The following CCDC125 variants were observed in gnomAD, a reference collection of about 807,000 sequenced individuals.
The protein encoded by CCDC125 is coiled-coil domain containing 125.
Under a neutral mutation model 57.4 loss-of-function variants are expected in CCDC125, and 43 were observed. The observed-to-expected ratio is 0.75, with a 90% CI of 0.59 to 0.97. The LOEUF (loss-of-function observed/expected upper bound fraction) is 0.97. CCDC125 is among the 50% of genes least tolerant of loss of function. The pLI is 0.00. For missense variants in CCDC125, 563 were observed against 595.7 expected (o/e 0.95, Z 0.57); for synonymous variants, 187 against 195.2 (o/e 0.96, Z 0.35).
chr5:69,326,408 G>A (rs1195394945), intron 1 of CCDC125, among the ~76,000 whole-genome samples: 3 of 152,016 alleles, frequency 2.0e-5, no homozygotes, highest in Non-Finnish European at 4.4e-5. Context: ...TACCTATTTT[G>A]TCAAGGTAGA....
At chr5:69,322,485 A>G (rs1221293559) in intron 1 of CCDC125, among the ~76,000 whole-genome samples, 2 of 151,196 alleles carry the variant, frequency 1.3e-5, no homozygotes, top group Non-Finnish European at 1.5e-5. Flanking sequence ...AGGCTTTGGG[A>G]GGCTGAGGCT....
At chr5:69,328,296 G>A (rs1760981403) in intron 1 of CCDC125, among the ~76,000 whole-genome samples, 1 of 151,818 alleles carries the variant, frequency 6.6e-6, no homozygotes, top group South Asian at 2.1e-4. Flanking sequence ...TTTCTAATTG[G>A]ACAAAATTAG....
chr5:69,303,757 C>A, intron 7 of CCDC125, 90 bp downstream of exon 7: 1 of 688,546 alleles, frequency 1.5e-6, no homozygotes, highest in South Asian at 1.9e-5. Flanking sequence ...TACATTTCTC[C>A]CCTCTATTAT....
chr5:69,322,724 G>A (rs370195834), intron 1 of CCDC125, among the ~76,000 whole-genome samples: 7 of 151,526 alleles, frequency 4.6e-5, no homozygotes, highest in Non-Finnish European at 8.8e-5. Flanking sequence ...CACCACACCC[G>A]GCTAATTTTT....
chr5:69,324,495 A>G (rs1760477070), intron 1 of CCDC125, among the ~76,000 whole-genome samples: 1 of 152,238 alleles, frequency 6.6e-6, no homozygotes, highest in Admixed American at 6.5e-5. Flanking sequence ...ACAGAACCCC[A>G]TGTCCGTACA....
chr5:69,287,836 TGGGATTACA>T (rs1333528297), intron 10 of CCDC125, among the ~76,000 whole-genome samples: 1 of 152,102 alleles, frequency 6.6e-6, no homozygotes, highest in Non-Finnish European at 1.5e-5. Context: ...CCCAAAGCGC[TGGGATTACA>T]GGCATGAGCC....
rs149401486 is a variant in CCDC125 at position 69,307,343 on chromosome 5, G to A, written c.532-441C>T. On this transcript the variant is annotated intron_variant, in intron 5 of 11. Transcript: ENST00000396496. Reference sequence around the variant, plus strand: ...AGATGAGATGGTCAGAAAGACGTACGTCCTGCCAGGCAACGATAAGGATTT... The same window carrying A: ...AGATGAGATGGTCAGAAAGACGTACATCCTGCCAGGCAACGATAAGGATTT... Among the ~76,000 whole-genome samples, 128 of 151,902 alleles carry A rather than the reference G, an allele frequency of 8.4e-4. 1 individual carries two copies. In the East Asian group the frequency reaches 9.7e-3, roughly 11 times the overall value.
At chr5:69,299,170 C>T (rs541179001) in intron 8 of CCDC125, among the ~76,000 whole-genome samples, 6 of 150,662 alleles carry the variant, frequency 4.0e-5, no homozygotes, top group Non-Finnish European at 7.4e-5. Flanking sequence ...ACTGCAGTGG[C>T]GCGATCTCGG....
rs79615279 is a variant in CCDC125 at position 69,303,815 on chromosome 5, A to G, written c.700+32T>C. The G allele has an allele frequency of 6.0e-4, 717 of 1,203,644 alleles. 2 individuals carry two copies. The African/African-American group carries it at 0.01, about 17-fold the overall frequency. The allele number at this position is 1,203,644 out of a possible 1,614,324, so 74.6% of individuals were successfully genotyped here. ...ATACTAGCATGTTATCTTTATTGAT[A>G]CATGTGCTCTTAATACAAAAATCAT... On this transcript the variant is annotated intron_variant, in intron 7 of 11. Transcript: ENST00000396496.
intron 8 of CCDC125, among the ~76,000 whole-genome samples, chr5:69,297,999 ATAAAAT>A (rs1216419175): frequency 1.3e-5 from 2 of 148,690 alleles, no homozygotes; most frequent in East Asian, 2.1e-4. Flanking sequence ...AAAAAAATAA[ATAAAAT>A]TAAACTAAAA....
chr5:69,315,130 C>A (rs1758801516), intron 2 of CCDC125, among the ~76,000 whole-genome samples: 1 of 151,868 alleles, frequency 6.6e-6, no homozygotes, highest in Non-Finnish European at 1.5e-5. Flanking sequence ...GTGGTGCCTG[C>A]CTGTAGTCTC....
chr5:69,284,930 A>G lies in CCDC125; in HGVS notation c.1230+407T>C, dbSNP rs530957834. Among the ~76,000 whole-genome samples the G allele has an allele frequency of 9.2e-5, 14 of 152,156 alleles. No individual in the cohort carries two copies. The South Asian group carries it at 1.7e-3, about 18-fold the overall frequency. On this transcript the variant is annotated intron_variant, in intron 11 of 11. Coordinates refer to ENST00000396496, the MANE Select transcript of CCDC125 (RefSeq NM_176816.5). ...AACATGGTGAAATCCTGTCTCTACT[A>G]AAAACGCACACACAAAATTAGCCAG...
intron 8 of CCDC125, among the ~76,000 whole-genome samples, chr5:69,299,398 C>T (rs187844734): frequency 2.0e-4 from 30 of 152,160 alleles, no homozygotes; most frequent in Non-Finnish European, 4.0e-4. Context: ...CGTGAGCCAC[C>T]GTGCCCGGCC....
At chr5:69,318,588 C>CAA (rs111666293) in intron 2 of CCDC125, among the ~76,000 whole-genome samples, 4,591 of 130,100 alleles carry the variant, frequency 0.035, 212 homozygotes, top group African/African-American at 0.12. Context: ...ACTAAAAATA[C>CAA]AAAAAAAAAA....
In CCDC125 at chr5:69,285,446, T is replaced by C; in HGVS notation, c.1121A>G (p.Lys374Arg). The C allele has an allele frequency of 6.2e-7, 1 of 1,602,114 alleles. No individual in the cohort carries two copies. The highest frequency in any genetic ancestry group is 8.5e-7 in the Non-Finnish European group (1 of 1,176,620). Residue 374 changes from lysine (K) to arginine (R), a missense_variant, in exon 11 of 12, where the codon AAG becomes AGG. Transcript: ENST00000396496. ...KEDGFPSPRSKKTFGQRLLGM... is the reference protein window; with the variant it reads ...KEDGFPSPRSRKTFGQRLLGM... ...CAACAGTCTCTGCCCGAAGGTCTTC[T>C]TACTCCTTGGTGATGGAAATCCTAA...
At position 69,320,224 on chromosome 5, in the gene CCDC125, T is replaced by G. The variant is rs1759803592; in HGVS notation, c.304+13A>C. ...ACAGGAGAAAGAAAGGAGAGGAAAT[T>G]CAGCATTCTTACCAGTGCTACTTTG... On this transcript the variant is annotated intron_variant, in intron 2 of 11. Transcript: ENST00000396496. 2 of 1,600,672 alleles carry G rather than the reference T, an allele frequency of 1.2e-6. No homozygotes were observed. The highest frequency in any genetic ancestry group is 1.7e-6 in the Non-Finnish European group (2 of 1,170,902).
downstream of CCDC125, chr5:69,276,584 AC>A: frequency 6.2e-7 from 1 of 1,613,720 alleles, no homozygotes; most frequent in Non-Finnish European, 8.5e-7. Flanking sequence ...CAGGGCCAAC[AC>A]CTGGATGTCA....
chr5:69,302,496 C>T (rs1228964621), intron 7 of CCDC125, among the ~76,000 whole-genome samples: 4 of 141,598 alleles, frequency 2.8e-5, no homozygotes, highest in African/African-American at 5.2e-5. Context: ...GAGGCTGAGG[C>T]GGGCGGATCA....
intron 10 of CCDC125, among the ~76,000 whole-genome samples, chr5:69,287,071 C>A (rs1268922840): frequency 1.3e-5 from 2 of 148,866 alleles, no homozygotes; most frequent in African/African-American, 4.9e-5. Flanking sequence ...CTTCCGGAAA[C>A]TTGTCTAAAC....
Sources: allele counts gnomAD v4.1 joint callset (sites outside exome capture counted in the v4.1 genomes callset), GRCh38; gene constraint gnomAD v4.1.1; transcripts MANE v1.5; gene names NCBI Gene and HGNC (gene_info 2026-07-23, HGNC 2026-07-21).